The following CHD9 variants were observed in gnomAD, a reference collection of about 807,000 sequenced individuals.
The protein encoded by CHD9 is chromodomain helicase DNA binding protein 9.
In CHD9, 77 loss-of-function variants were observed where a neutral mutation model predicts 316.1. The ratio of observed to expected loss-of-function variants is 0.24; its 90% confidence interval spans 0.20 to 0.29. The LOEUF (loss-of-function observed/expected upper bound fraction) is 0.29, where lower values mean the gene tolerates loss of function less well. CHD9 is among the 10% of genes least tolerant of loss of function. CHD9 has a pLI of 1.00. For missense variants in CHD9, 2,763 were observed against 3,438.1 expected (o/e 0.80, Z 4.91); for synonymous variants, 1,129 against 1,158.3 (o/e 0.97, Z 0.51).
intron 1 of CHD9, among the ~76,000 whole-genome samples, chr16:53,095,926 T>C (rs550848607): frequency 1.3e-5 from 2 of 152,340 alleles, no homozygotes; most frequent in East Asian, 3.9e-4. Context: ...AGCTTCTTAA[T>C]TTTTTCCAAC....
At position 53,238,247 on chromosome 16, in the gene CHD9, T is replaced by G. The variant is rs984602283; in HGVS notation, c.2634-96T>G. 11 of 1,141,250 alleles carry G rather than the reference T, an allele frequency of 9.6e-6. No individual in the cohort carries two copies. The African/African-American group carries it at 1.7e-4, about 18-fold the overall frequency. 70.7% of individuals were successfully genotyped at this position (1,141,250 alleles called of 1,614,324 possible). A position where few individuals can be genotyped will look rare whatever the true frequency, so the allele number is the denominator to read the frequency against. ...ACTTTTACATTTTTATAAATGCAAC[T>G]ATTTTATTTGATCTTTGATTATTTT... On this transcript the variant is annotated intron_variant, in intron 11 of 38. Coordinates refer to ENST00000447540, the MANE Select transcript of CHD9 (RefSeq NM_001308319.2).
At chr16:53,116,856 A>AGT (rs2038348558) in intron 1 of CHD9, among the ~76,000 whole-genome samples, 1 of 152,252 alleles carries the variant, frequency 6.6e-6, no homozygotes, top group Non-Finnish European at 1.5e-5. Context: ...TGGATAAAAA[A>AGT]GTGTGGTACA....
intron 29 of CHD9, among the ~76,000 whole-genome samples, chr16:53,295,650 TTTTA>T (rs1346376877): frequency 6.6e-6 from 1 of 152,198 alleles, no homozygotes; most frequent in East Asian, 1.9e-4. Context: ...TTTTTCCCAT[TTTTA>T]TTCTTATTAC....
At chr16:53,112,041 CT>C (rs1203351776) in intron 1 of CHD9, among the ~76,000 whole-genome samples, 2 of 152,218 alleles carry the variant, frequency 1.3e-5, no homozygotes, top group African/African-American at 4.8e-5. Flanking sequence ...AGGATTCCAG[CT>C]TGTATCAGTG....
intron 23 of CHD9, 66 bp from the exon 24 acceptor site, chr16:53,274,147 C>G: frequency 1.1e-6 from 1 of 949,826 alleles, no homozygotes; most frequent in Non-Finnish European, 1.7e-6. Context: ...TAATTTTAAC[C>G]CCATGTCCGA....
At chr16:53,177,976 C>G (rs2043199762) in intron 2 of CHD9, among the ~76,000 whole-genome samples, 1 of 152,170 alleles carries the variant, frequency 6.6e-6, no homozygotes, top group African/African-American at 2.4e-5. Context: ...ATCTTTTTCT[C>G]CCCATCTCTT....
chr16:53,302,054 C>T (rs543654929), intron 30 of CHD9, among the ~76,000 whole-genome samples: 2 of 151,974 alleles, frequency 1.3e-5, no homozygotes, highest in African/African-American at 4.8e-5. Context: ...TGAGCCACTG[C>T]GCCTGGCCCT....
intron 10 of CHD9, 47 bp from the exon 11 acceptor site, chr16:53,235,138 A>G (rs777190032): frequency 3.3e-6 from 5 of 1,509,282 alleles, no homozygotes. Context: ...CTTCAGTATG[A>G]TATATGGAAG....
At chr16:53,307,979 G>T (rs776550923) in intron 33 of CHD9, 26 bp downstream of exon 33, 2 of 1,555,104 alleles carry the variant, frequency 1.3e-6, no homozygotes, top group Non-Finnish European at 1.7e-6. Flanking sequence ...TTGCCCTAGG[G>T]CCTGATTGCG....
At chr16:53,197,717 T>C (rs1277622822) in intron 2 of CHD9, among the ~76,000 whole-genome samples, 1 of 150,952 alleles carries the variant, frequency 6.6e-6, no homozygotes, top group Non-Finnish European at 1.5e-5. Context: ...AGTGCAGTGG[T>C]GCGATCTCTG....
chr16:53,313,027 T>C (rs2056595693), intron 34 of CHD9, among the ~76,000 whole-genome samples: 1 of 152,232 alleles, frequency 6.6e-6, no homozygotes, highest in South Asian at 2.1e-4. Context: ...TGAACCATCA[T>C]ACTGCATAGT....
chr16:53,207,974 AACG>A (rs2046015878), intron 2 of CHD9: 1 of 944,808 alleles, frequency 1.1e-6, no homozygotes, highest in Non-Finnish European at 1.3e-6. Flanking sequence ...CAGTATTTTT[AACG>A]ACATCTCTAA....
intron 30 of CHD9, 34 bp downstream of exon 30, chr16:53,297,192 C>G: frequency 6.6e-7 from 1 of 1,514,138 alleles, no homozygotes; most frequent in South Asian, 1.2e-5. Context: ...TGGTTTCGGT[C>G]AAAGAAGCAA....
intron 1 of CHD9, among the ~76,000 whole-genome samples, chr16:53,145,437 C>T (rs1178276063): frequency 6.6e-6 from 1 of 151,250 alleles, no homozygotes; most frequent in African/African-American, 2.4e-5. Flanking sequence ...AGGCATGAGC[C>T]ACCATGCCCG....
intron 1 of CHD9, among the ~76,000 whole-genome samples, chr16:53,072,696 T>C (rs1356949728): frequency 4.1e-5 from 6 of 145,584 alleles, no homozygotes; most frequent in African/African-American, 1.7e-4. Flanking sequence ...TATTTTTTTA[T>C]TTTTTTTATT....
Position 53,321,648 on chromosome 16 carries a change from A to G in CHD9, c.7818+18A>G. 7.8e-7 allele frequency: 1 copy of G among 1,287,160 alleles called. No homozygotes were observed. Among genetic ancestry groups the G allele is most frequent in the Non-Finnish European group, 1.1e-6 (1 of 938,106 alleles). 79.7% of individuals were successfully genotyped at this position (1,287,160 alleles called of 1,614,324 possible). A position where few individuals can be genotyped will look rare whatever the true frequency, so the allele number is the denominator to read the frequency against. On this transcript the variant is annotated intron_variant, in intron 38 of 38. Transcript: ENST00000447540. ...AGCAATCTGTGAGTATTTTACGAAT[A>G]CTAACTCATACATTATTTTCAAATT...
intron 17 of CHD9, among the ~76,000 whole-genome samples, chr16:53,253,722 G>T (rs1180882378): frequency 6.6e-6 from 1 of 152,118 alleles, no homozygotes; most frequent in African/African-American, 2.4e-5. Context: ...ACTTGGAGAG[G>T]CCAAAGTGGT....
At chr16:53,057,293 A>G (rs2032261780) in intron 1 of CHD9, among the ~76,000 whole-genome samples, 1 of 151,550 alleles carries the variant, frequency 6.6e-6, no homozygotes, top group Non-Finnish European at 1.5e-5. Flanking sequence ...CAGCCTAATC[A>G]CTTGAGCTAA....
At chr16:53,057,373 G>C (rs925800268) in intron 1 of CHD9, among the ~76,000 whole-genome samples, 5 of 151,692 alleles carry the variant, frequency 3.3e-5, no homozygotes, top group Non-Finnish European at 7.4e-5. Context: ...AGGAAAAAAG[G>C]CCGGGTGCAG....
Sources: allele counts gnomAD v4.1 joint callset (sites outside exome capture counted in the v4.1 genomes callset), GRCh38; gene constraint gnomAD v4.1.1; transcripts MANE v1.5; gene names NCBI Gene and HGNC (gene_info 2026-07-23, HGNC 2026-07-21).